Variants in PIBF1 observed in about 807,000 individuals in gnomAD.
PIBF1 encodes progesterone immunomodulatory binding factor 1.
In PIBF1, 90 loss-of-function variants were observed where a neutral mutation model predicts 112.5. That is an observed-to-expected ratio of 0.80 (90% CI 0.67 to 0.95). PIBF1 has a LOEUF of 0.95. PIBF1 is among the 40% of genes least tolerant of loss of function. The probability of loss-of-function intolerance (pLI) is 0.00; values close to 1 mark genes in which losing one functional copy is unlikely to be tolerated. For missense variants in PIBF1, 915 were observed against 852.3 expected (o/e 1.07, Z -0.92); for synonymous variants, 301 against 288.6 (o/e 1.04, Z -0.44).
chr13:72,806,228 C>A (rs375738858), intron 5 of PIBF1, among the ~76,000 whole-genome samples: 2 of 152,192 alleles, frequency 1.3e-5, no homozygotes, highest in East Asian at 3.9e-4. Flanking sequence ...TCATTGGTAA[C>A]CATTTTTTAA....
chr13:72,931,718 G>GTATATATATATATATATATA (rs3077704), intron 14 of PIBF1, among the ~76,000 whole-genome samples: 1,801 of 101,484 alleles, frequency 0.018, 75 homozygotes, highest in Non-Finnish European at 0.021. Context: ...TTTAAACTAC[G>GTATATATATATATATATATA]TATATATATA....
Position 72,954,190 on chromosome 13 carries a change from C to A in PIBF1, c.1834-11084C>A, listed in dbSNP as rs78110945. On this transcript the variant is annotated intron_variant, in intron 14 of 17. Transcript: ENST00000326291. ...TCCCATGCACTTGGCACAGCAAGTC[C>A]CATACCCTCAGTATTCTGCTAACAG... 6.9e-3 allele frequency among the ~76,000 whole-genome samples: 1,051 copies of A among 152,226 alleles called. 15 individuals are homozygous for A. The highest frequency in any genetic ancestry group is 0.024 in the African/African-American group (1,014 of 41,540).
At chr13:72,975,731 C>G (rs961247457) in intron 16 of PIBF1, among the ~76,000 whole-genome samples, 3 of 152,142 alleles carry the variant, frequency 2.0e-5, no homozygotes, top group Admixed American at 2.0e-4. Context: ...CTTCTGAGTT[C>G]GGACATTCTA....
intron 2 of PIBF1, among the ~76,000 whole-genome samples, chr13:72,790,510 C>CATAGATAG (rs3078582): frequency 2.6e-3 from 358 of 140,150 alleles, no homozygotes; most frequent in East Asian, 3.6e-3. Context: ...CACACACACA[C>CATAGATAG]ATAGATAGAT....
intron 5 of PIBF1, among the ~76,000 whole-genome samples, chr13:72,808,258 A>G (rs895853546): frequency 1.3e-5 from 2 of 152,208 alleles, no homozygotes; most frequent in Non-Finnish European, 2.9e-5. Context: ...TATTATGAAC[A>G]TATTTTCCTT....
intron 5 of PIBF1, among the ~76,000 whole-genome samples, chr13:72,812,317 G>A (rs899676827): frequency 3.5e-4 from 53 of 152,174 alleles, no homozygotes; most frequent in African/African-American, 1.1e-3. Context: ...ATTAACAGAT[G>A]CATATGATGG....
At chr13:72,794,196 A>G (rs1287524070) in intron 3 of PIBF1, among the ~76,000 whole-genome samples, 2 of 152,230 alleles carry the variant, frequency 1.3e-5, no homozygotes, top group African/African-American at 4.8e-5. Context: ...GAGGAAAAGA[A>G]CTAAGAATTG....
Position 72,837,803 on chromosome 13 carries a change from C to G in PIBF1, c.1223+2435C>G, listed in dbSNP as rs150206442. Among the ~76,000 whole-genome samples, 352 of 152,194 alleles carry G rather than the reference C, an allele frequency of 2.3e-3. 1 individual carries two copies. Among genetic ancestry groups the G allele is most frequent in the African/African-American group, 7.9e-3 (328 of 41,540 alleles). On this transcript the variant is annotated intron_variant, in intron 9 of 17. Coordinates refer to ENST00000326291, the MANE Select transcript of PIBF1 (RefSeq NM_006346.4). ...GCTGTATACACATATATTTTTGTGG[C>G]TTCTTCACATAACCTTATGATTTTA...
At chr13:72,804,722 C>T (rs2035637898) in intron 5 of PIBF1, among the ~76,000 whole-genome samples, 1 of 152,186 alleles carries the variant, frequency 6.6e-6, no homozygotes, top group South Asian at 2.1e-4. Context: ...GGTTAAAATA[C>T]TCAGTATGCC....
chr13:72,865,067 A>G (rs565591905), intron 10 of PIBF1, among the ~76,000 whole-genome samples: 23 of 152,298 alleles, frequency 1.5e-4, no homozygotes, highest in African/African-American at 5.5e-4. Context: ...AAAAATGGTT[A>G]CCATTTTTAA....
At chr13:72,955,001 CAG>C (rs911764851) in intron 14 of PIBF1, among the ~76,000 whole-genome samples, 2 of 152,162 alleles carry the variant, frequency 1.3e-5, no homozygotes, top group Admixed American at 1.3e-4. Context: ...TTGGAGGAAA[CAG>C]AGCAATGGAG....
chr13:72,905,974 A>C (rs2040689679), intron 11 of PIBF1, among the ~76,000 whole-genome samples: 1 of 152,200 alleles, frequency 6.6e-6, no homozygotes, highest in African/African-American at 2.4e-5. Flanking sequence ...TTGTGTCAGC[A>C]GTGCTTAACA....
At position 73,001,949 on chromosome 13, in the gene PIBF1, T is replaced by C. The variant is rs536161705; in HGVS notation, c.2223+2954T>C. Among the ~76,000 whole-genome samples the C allele has an allele frequency of 4.6e-4, 70 of 152,168 alleles. 1 individual carries two copies. Among genetic ancestry groups the C allele is most frequent in the African/African-American group, 1.7e-3 (70 of 41,516 alleles). On this transcript the variant is annotated intron_variant, in intron 17 of 17. Transcript: ENST00000326291. ...ACTTTTTTTAATGTGCTTTTTTATA[T>C]GTATACAAATGTTTTACAGTGTACA... is the stretch of plus-strand genomic sequence containing the variant.
At chr13:72,949,436 C>A (rs2042240122) in intron 14 of PIBF1, among the ~76,000 whole-genome samples, 1 of 151,012 alleles carries the variant, frequency 6.6e-6, no homozygotes, top group Non-Finnish European at 1.5e-5. Context: ...CTGCCTCATC[C>A]TCCCCAGTAG....
At chr13:72,834,665 T>G (rs1325494082) in intron 8 of PIBF1, among the ~76,000 whole-genome samples, 1 of 150,962 alleles carries the variant, frequency 6.6e-6, no homozygotes, top group Admixed American at 6.6e-5. Flanking sequence ...AATTTTACCT[T>G]AAAGGTAAAG....
At chr13:72,818,532 C>T (rs1215079452) in intron 5 of PIBF1, among the ~76,000 whole-genome samples, 1 of 152,106 alleles carries the variant, frequency 6.6e-6, no homozygotes, top group African/African-American at 2.4e-5. Context: ...ATCCACTAAA[C>T]ATCTTATTTC....
At chr13:73,010,542 G>A (rs1207910037) in intron 17 of PIBF1, among the ~76,000 whole-genome samples, 1 of 152,026 alleles carries the variant, frequency 6.6e-6, no homozygotes, top group Non-Finnish European at 1.5e-5. Flanking sequence ...GGCGGAGGTT[G>A]CAGTGGGCCG....
At chr13:72,815,301 A>G (rs1259501247) in intron 5 of PIBF1, among the ~76,000 whole-genome samples, 1 of 152,272 alleles carries the variant, frequency 6.6e-6, no homozygotes, top group Admixed American at 6.5e-5. Context: ...TTCATGGAGA[A>G]TAGCTTCATG....
At chr13:72,867,728 C>T (rs922804830) in intron 10 of PIBF1, among the ~76,000 whole-genome samples, 1 of 152,118 alleles carries the variant, frequency 6.6e-6, no homozygotes, top group Non-Finnish European at 1.5e-5. Flanking sequence ...AATTGATGTG[C>T]TTTTTAAAAC....
Sources: gnomAD v4.1 joint callset for allele counts (sites outside exome capture counted in the v4.1 genomes callset) on GRCh38, gnomAD v4.1.1 for gene constraint, MANE v1.5 for transcripts, NCBI Gene and HGNC (gene_info 2026-07-23, HGNC 2026-07-21) for gene names.